EXOC4: variants seen among roughly 807,000 people sequenced by gnomAD.
EXOC4 encodes SEC8-like 1.
A neutral mutation model predicts 107.2 loss-of-function variants in EXOC4; 71 were observed. The ratio of observed to expected loss-of-function variants is 0.66; its 90% CI spans 0.55 to 0.81. EXOC4 has a LOEUF of 0.81. EXOC4 is among the 30% of genes least tolerant of loss of function. EXOC4 has a pLI of 0.00. For missense variants in EXOC4, 1,108 were observed against 1,189.6 expected (o/e 0.93, Z 1.01); for synonymous variants, 456 against 441.2 (o/e 1.03, Z -0.42).
chr7:133,434,846 T>C (rs919605361), intron 7 of EXOC4, among the ~76,000 whole-genome samples: 1 of 152,224 alleles, frequency 6.6e-6, no homozygotes, highest in African/African-American at 2.4e-5. Flanking sequence ...CTTTTTTGTC[T>C]TCAATGGCTA....
intron 10 of EXOC4, among the ~76,000 whole-genome samples, chr7:133,734,620 A>T (rs935162405): frequency 3.9e-5 from 6 of 152,052 alleles, no homozygotes; most frequent in African/African-American, 1.2e-4. Context: ...CCTGATTTTG[A>T]ATTAGAAAAT....
Position 133,745,509 on chromosome 7 carries a change from TAAC to T in EXOC4, c.1515-71813_1515-71811del, listed in dbSNP as rs369132711. On this transcript the variant is annotated intron_variant, in intron 10 of 17. Transcript: ENST00000253861. Reference sequence around the variant, plus strand: ...TATAAATAAATGTTAACCTATTTAATAACAAAAACTTATTAAATTATGTCTGTA... The same window carrying T: ...TATAAATAAATGTTAACCTATTTAATAAAAACTTATTAAATTATGTCTGTA... Among the ~76,000 whole-genome samples the T allele has an allele frequency of 2.4e-3, 358 of 152,228 alleles. 1 individual carries two copies. Among genetic ancestry groups the T allele is most frequent in the Non-Finnish European group, 2.9e-3 (196 of 67,988 alleles).
At chr7:133,476,977 C>T (rs202242939) in intron 8 of EXOC4, among the ~76,000 whole-genome samples, 1 of 128,750 alleles carries the variant, frequency 7.8e-6, no homozygotes, top group African/African-American at 2.8e-5. Flanking sequence ...ATGTGATTCT[C>T]CCTGTGAATC....
At chr7:133,410,955 T>C (rs1797342145) in intron 7 of EXOC4, among the ~76,000 whole-genome samples, 1 of 152,164 alleles carries the variant, frequency 6.6e-6, no homozygotes, top group Non-Finnish European at 1.5e-5. Context: ...GTTTGTAATC[T>C]ACATTAGCAT....
intron 3 of EXOC4, among the ~76,000 whole-genome samples, chr7:133,298,048 G>A (rs905513772): frequency 6.6e-6 from 1 of 152,138 alleles, no homozygotes; most frequent in African/African-American, 2.4e-5. Flanking sequence ...TTGTTGATAG[G>A]GGACTTCAGT....
intron 14 of EXOC4, among the ~76,000 whole-genome samples, chr7:133,960,179 G>C (rs1414344861): frequency 6.6e-6 from 1 of 152,076 alleles, no homozygotes; most frequent in Non-Finnish European, 1.5e-5. Flanking sequence ...AATACCTAAT[G>C]TGTTAGGATT....
chr7:133,845,300 C>A (rs1197459843), intron 11 of EXOC4, among the ~76,000 whole-genome samples: 1 of 149,838 alleles, frequency 6.7e-6, no homozygotes, highest in Non-Finnish European at 1.5e-5. Context: ...ACTGAGCACC[C>A]AGCATGGGCC....
chr7:133,700,586 G>A (rs1794636526), intron 10 of EXOC4, among the ~76,000 whole-genome samples: 1 of 152,136 alleles, frequency 6.6e-6, no homozygotes, highest in Admixed American at 6.6e-5. Context: ...TTGGATTTGT[G>A]AATTTCAGCT....
intron 6 of EXOC4, among the ~76,000 whole-genome samples, chr7:133,364,215 A>T (rs887194265): frequency 1.8e-4 from 27 of 148,168 alleles, no homozygotes; most frequent in African/African-American, 6.7e-4. Context: ...TGTAGCCTTG[A>T]CCCCCCCTGG....
intron 17 of EXOC4, among the ~76,000 whole-genome samples, chr7:134,032,754 T>G (rs1795297699): frequency 6.6e-6 from 1 of 152,192 alleles, no homozygotes; most frequent in Non-Finnish European, 1.5e-5. Context: ...ATTAGAAAAT[T>G]ATTCTGTTTA....
chr7:133,701,645 A>G (rs1794657648), intron 10 of EXOC4, among the ~76,000 whole-genome samples: 1 of 152,220 alleles, frequency 6.6e-6, no homozygotes, highest in Admixed American at 6.5e-5. Flanking sequence ...TAATAATAAA[A>G]TGCAGGTTGA....
chr7:133,834,512 A>T (rs1242210143), intron 11 of EXOC4, among the ~76,000 whole-genome samples: 5 of 152,238 alleles, frequency 3.3e-5, no homozygotes, highest in Non-Finnish European at 1.5e-5. Flanking sequence ...GTGTGCTCTC[A>T]TGGCAACTGG....
intron 7 of EXOC4, among the ~76,000 whole-genome samples, chr7:133,404,242 G>A (rs540844442): frequency 6.6e-6 from 1 of 152,118 alleles, no homozygotes; most frequent in East Asian, 1.9e-4. Flanking sequence ...TGGGACTACA[G>A]GCGCCCGCCA....
chr7:133,562,257 T>C (rs1490473629), intron 9 of EXOC4, among the ~76,000 whole-genome samples: 1 of 152,234 alleles, frequency 6.6e-6, no homozygotes, highest in Non-Finnish European at 1.5e-5. Context: ...TGTGCTGCTC[T>C]AGGCTATCCA....
rs1554469399 is a variant in EXOC4, at chr7:133,538,857, A to AAGAAAGAGAG, written c.1417+58722_1417+58723insAAGAGAGAGA. On this transcript the variant is annotated intron_variant, in intron 9 of 17. Transcript: ENST00000253861. ...TGAAAGAAAAAGAAAGAAAGAAAGA[A>AAGAAAGAGAG]AGAGAGAGAGAGAGAGAGAGAGAGA... is the stretch of plus-strand genomic sequence containing the variant. Among the ~76,000 whole-genome samples, 7 of 72,192 alleles carry AAGAAAGAGAG rather than the reference A, an allele frequency of 9.7e-5. No individual in the cohort carries two copies. The South Asian group carries it at 3.4e-3, about 35-fold the overall frequency. 47.4% of individuals were successfully genotyped at this position (72,192 alleles called of 152,430 possible).
At chr7:133,823,393 C>T (rs1022735021) in intron 11 of EXOC4, among the ~76,000 whole-genome samples, 2 of 152,100 alleles carry the variant, frequency 1.3e-5, no homozygotes, top group Non-Finnish European at 2.9e-5. Flanking sequence ...AGGGGTGGGG[C>T]GTGCTTGGGC....
chr7:133,369,837 G>A (rs1329949062), intron 6 of EXOC4, among the ~76,000 whole-genome samples: 115 of 93,614 alleles, frequency 1.2e-3, no homozygotes, highest in African/African-American at 5.2e-3. Flanking sequence ...ACGGAGTTTC[G>A]CTCTTATTGC....
At chr7:133,791,908 C>T (rs10248200) in intron 10 of EXOC4, among the ~76,000 whole-genome samples, 271 of 152,320 alleles carry the variant, frequency 1.8e-3, no homozygotes, top group African/African-American at 6.2e-3. Context: ...TCTACAGTTA[C>T]TTCTCACTTT....
chr7:133,898,745 CAAAAAAAAAAA>C (rs869131471), intron 12 of EXOC4, among the ~76,000 whole-genome samples: 6 of 64,794 alleles, frequency 9.3e-5, no homozygotes, highest in South Asian at 1.2e-3. Context: ...GACTCTGTCT[CAAAAAAAAAAA>C]AAAAAAAAAA....
Sources: allele counts gnomAD v4.1 joint callset (sites outside exome capture counted in the v4.1 genomes callset), GRCh38; gene constraint gnomAD v4.1.1; transcripts MANE v1.5; gene names NCBI Gene and HGNC (gene_info 2026-07-23, HGNC 2026-07-21).